The following BOP1 variants were observed in gnomAD, a reference collection of about 807,000 sequenced individuals.
The protein encoded by BOP1 is BOP1 ribosomal biogenesis factor.
Under a neutral mutation model 82.9 loss-of-function variants are expected in BOP1, and 54 were observed. The observed-to-expected ratio is 0.65, with a 90% CI of 0.52 to 0.82. BOP1 has a LOEUF of 0.82. Ranked by LOEUF, BOP1 falls within the 40% of genes least tolerant of loss-of-function variation. The pLI, the probability that BOP1 is intolerant of heterozygous loss-of-function variation, is 0.00. For synonymous variants in BOP1, 566 were observed against 451.1 expected (o/e 1.25, Z -3.23); for missense variants, 1,170 against 1,072.0 (o/e 1.09, Z -1.28).
chr8:144,283,196 C>A (rs1814765368), intron 2 of BOP1, among the ~76,000 whole-genome samples: 1 of 61,366 alleles, frequency 1.6e-5, no homozygotes, highest in African/African-American at 1.6e-4. Context: ...AAAAAAACTC[C>A]ATCTCAAAAA....
rs1490745215 is a variant in BOP1 at position 144,276,211 on chromosome 8, G to A, written c.390+13C>T. 2 of 1,612,536 alleles carry A rather than the reference G, an allele frequency of 1.2e-6. No individual in the cohort carries two copies. The highest frequency in any genetic ancestry group is 3.3e-5 in the Admixed American group (2 of 59,988). On this transcript the variant is annotated intron_variant, in intron 3 of 15. Transcript: ENST00000569669. ...GCCCCACCCTGCCCAGTGGGAAGCA[G>A]CCCCAGTCCTACCTCCTCATCAGAG...
At chr8:144,278,044 G>A (rs971059744) in intron 2 of BOP1, among the ~76,000 whole-genome samples, 1 of 152,232 alleles carries the variant, frequency 6.6e-6, no homozygotes, top group Admixed American at 6.5e-5. Flanking sequence ...AGTCAGCCCG[G>A]ATTCTCCAGG....
At chr8:144,263,450 C>G in intron 11 of BOP1, 28 bp downstream of exon 11, 1 of 1,597,876 alleles carries the variant, frequency 6.3e-7, no homozygotes, top group Non-Finnish European at 8.5e-7. Flanking sequence ...CCACCCCTGG[C>G]TCCCCAGCCC....
intron 3 of BOP1, among the ~76,000 whole-genome samples, chr8:144,273,149 G>A (rs917246158): frequency 2.6e-5 from 4 of 152,264 alleles, no homozygotes; most frequent in South Asian, 2.1e-4. Context: ...GCCTGAGTGC[G>A]CGGGGCCAGG....
intron 3 of BOP1, among the ~76,000 whole-genome samples, chr8:144,270,849 C>T (rs2130225443): frequency 6.6e-6 from 1 of 152,270 alleles, no homozygotes; most frequent in Admixed American, 6.5e-5. Context: ...CGGAAGGGGC[C>T]CCAGCCTGCA....
chr8:144,272,355 C>T (rs983002035), intron 3 of BOP1, among the ~76,000 whole-genome samples: 13 of 152,158 alleles, frequency 8.5e-5, no homozygotes, highest in South Asian at 2.1e-4. Flanking sequence ...TGCACACACA[C>T]GTACCTGGGA....
At chr8:144,277,371 C>T (rs1845583593) in intron 2 of BOP1, among the ~76,000 whole-genome samples, 1 of 152,228 alleles carries the variant, frequency 6.6e-6, no homozygotes, top group African/African-American at 2.4e-5. Flanking sequence ...CATGAGCCCC[C>T]ACAGCCGCAG....
intron 3 of BOP1, chr8:144,268,045 G>C: frequency 1.3e-6 from 2 of 1,548,954 alleles, no homozygotes. Context: ...GGAGGCCAGA[G>C]AGGCGCAGAC....
At position 144,273,112 on chromosome 8, in the gene BOP1, G is replaced by A. The variant is rs1395284787; in HGVS notation, c.390+3112C>T. Among the ~76,000 whole-genome samples, 7 of 152,262 alleles carry A rather than the reference G, an allele frequency of 4.6e-5. No homozygotes were observed. The South Asian group carries it at 1.4e-3, about 32-fold the overall frequency. On this transcript the variant is annotated intron_variant, in intron 3 of 15. Coordinates refer to ENST00000569669, the MANE Select transcript of BOP1 (RefSeq NM_015201.5). ...GTTCGCTCGCCGGGAAACCTGAGCC[G>A]AGGCCGCGCCGCCAGCAGCGACGCA...
At chr8:144,266,436 G>C in intron 3 of BOP1, 2 of 921,604 alleles carry the variant, frequency 2.2e-6, no homozygotes, top group African/African-American at 1.8e-5. Flanking sequence ...TAAAGGCGCA[G>C]CTCGGGGCCC....
In BOP1 at chr8:144,263,966, G is replaced by A; in HGVS notation, c.1140+15C>T. ...GCCCCCTGTGCCACCCCCCTGGTGT[G>A]CCACCCCCACACACCCTCATCTTGC... On this transcript the variant is annotated intron_variant, in intron 8 of 15. Transcript: ENST00000569669. 1.2e-6 allele frequency: 2 copies of A among 1,610,656 alleles called. No individual in the cohort carries two copies. Among genetic ancestry groups the A allele is most frequent in the Admixed American group, 1.7e-5 (1 of 59,972 alleles).
At chr8:144,282,677 C>A (rs1417242280) in intron 2 of BOP1, among the ~76,000 whole-genome samples, 1 of 152,102 alleles carries the variant, frequency 6.6e-6, no homozygotes, top group Non-Finnish European at 1.5e-5. Flanking sequence ...ACAGCACCCA[C>A]CCCATCTTCT....
In BOP1 at chr8:144,291,223, G is replaced by T. The variant is rs1815061875; in HGVS notation, c.99+49C>A. ...CCCGCCCCAGCGCGGCCACGTGCCC[G>T]CCGGGCCCTCTAGGGACGCGCCCCG... On this transcript the variant is annotated intron_variant, in intron 1 of 15. Coordinates refer to ENST00000569669, the MANE Select transcript of BOP1 (RefSeq NM_015201.5). The surrounding 1 kb of genome is among the most constrained non-coding windows in gnomAD (Gnocchi z 4.1). The T allele has an allele frequency of 1.5e-6, 2 of 1,375,256 alleles. No homozygotes were observed. The highest frequency in any genetic ancestry group is 9.4e-7 in the Non-Finnish European group (1 of 1,067,052). The allele number at this position is 1,375,256 out of a possible 1,614,324, so 85.2% of individuals were successfully genotyped here.
intron 1 of BOP1, 109 bp from the exon 2 acceptor site, chr8:144,289,413 G>T: frequency 8.5e-7 from 1 of 1,183,346 alleles, no homozygotes; most frequent in Non-Finnish European, 1.2e-6. Flanking sequence ...GCAGCTCCAT[G>T]TGGCCTCCAG....
chr8:144,287,397 G>A (rs899029043), intron 2 of BOP1, among the ~76,000 whole-genome samples: 5 of 152,222 alleles, frequency 3.3e-5, no homozygotes, highest in Non-Finnish European at 5.9e-5. Context: ...ATGTACACCA[G>A]ACCACTAACT....
At chr8:144,290,655 T>A (rs938046919) in intron 1 of BOP1, among the ~76,000 whole-genome samples, 2 of 152,102 alleles carry the variant, frequency 1.3e-5, no homozygotes, top group Non-Finnish European at 2.9e-5. Context: ...GCGCCTAGAG[T>A]GGCCTGCGGG....
chr8:144,271,431 G>A (rs1383041334), intron 3 of BOP1, among the ~76,000 whole-genome samples: 8 of 151,888 alleles, frequency 5.3e-5, no homozygotes, highest in African/African-American at 9.7e-5. Context: ...AGCCGCCCTC[G>A]CTCCGTCTCT....
At chr8:144,283,201 CAA>C (rs60868806) in intron 2 of BOP1, among the ~76,000 whole-genome samples, 73 of 54,328 alleles carry the variant, frequency 1.3e-3, no homozygotes, top group South Asian at 6.2e-3. Flanking sequence ...AACTCCATCT[CAA>C]AAAAAAAAAA....
intron 3 of BOP1, among the ~76,000 whole-genome samples, chr8:144,273,875 C>T (rs1845531975): frequency 6.6e-6 from 1 of 152,218 alleles, no homozygotes; most frequent in African/African-American, 2.4e-5. Flanking sequence ...TCCGCCTGCT[C>T]GCTGCTGCCT....
Sources: gnomAD v4.1 joint callset for allele counts (sites outside exome capture counted in the v4.1 genomes callset) on GRCh38, gnomAD v4.1.1 for gene constraint, Gnocchi (gnomAD v3.1) non-coding constraint, MANE v1.5 for transcripts, NCBI Gene and HGNC (gene_info 2026-07-23, HGNC 2026-07-21) for gene names.